Variants in ERBB4 observed in about 807,000 individuals in gnomAD.
ERBB4 encodes receptor tyrosine-protein kinase erbB-4.
ERBB4 carries 42 observed loss-of-function variants against 158.0 expected under a neutral mutation model. The observed-to-expected ratio is 0.27, with a 90% confidence interval of 0.21 to 0.34. The LOEUF is 0.34. Ranked by LOEUF, ERBB4 falls within the 10% of genes least tolerant of loss-of-function variation. ERBB4 has a pLI of 1.00. For missense variants in ERBB4, 1,333 were observed against 1,624.1 expected (o/e 0.82, Z 3.08); for synonymous variants, 583 against 558.7 (o/e 1.04, Z -0.61).
At chr2:212,530,153 A>G (rs897199147) in intron 1 of ERBB4, among the ~76,000 whole-genome samples, 1 of 150,364 alleles carries the variant, frequency 6.7e-6, no homozygotes. Context: ...TGGAAGAAGA[A>G]GAATACCCAT....
intron 2 of ERBB4, among the ~76,000 whole-genome samples, chr2:211,972,059 A>C (rs2081469920): frequency 6.6e-6 from 1 of 152,240 alleles, no homozygotes; most frequent in South Asian, 2.1e-4. Flanking sequence ...AACTTCAGCA[A>C]AGTCTCAGGA....
intron 21 of ERBB4, among the ~76,000 whole-genome samples, chr2:211,430,244 T>C (rs570256809): frequency 1.1e-4 from 17 of 152,274 alleles, no homozygotes; most frequent in Admixed American, 2.0e-4. Context: ...AGATTGCATT[T>C]GCTTATTTCA....
chr2:211,603,318 T>C (rs1450777024), intron 19 of ERBB4, among the ~76,000 whole-genome samples: 1 of 152,106 alleles, frequency 6.6e-6, no homozygotes, highest in Non-Finnish European at 1.5e-5. Context: ...TTCCTGTAAG[T>C]ATCTGACATT....
chr2:212,102,954 C>A (rs1018131101), intron 2 of ERBB4, among the ~76,000 whole-genome samples: 1 of 152,066 alleles, frequency 6.6e-6, no homozygotes. Context: ...AATTAACTAA[C>A]CAGTATTTCT....
intron 3 of ERBB4, among the ~76,000 whole-genome samples, chr2:211,829,458 T>C (rs1001565069): frequency 6.6e-6 from 1 of 152,154 alleles, no homozygotes; most frequent in African/African-American, 2.4e-5. Context: ...TGTGGCTTAT[T>C]CACCCATCAG....
intron 20 of ERBB4, among the ~76,000 whole-genome samples, chr2:211,529,102 A>T (rs1476824637): frequency 6.6e-6 from 1 of 151,696 alleles, no homozygotes; most frequent in Admixed American, 6.6e-5. Context: ...AAAAACCATT[A>T]GCCAGACTAA....
intron 3 of ERBB4, among the ~76,000 whole-genome samples, chr2:211,853,950 AAAC>A (rs1396216850): frequency 6.6e-6 from 1 of 152,078 alleles, no homozygotes; most frequent in African/African-American, 2.4e-5. Context: ...TTCTTTATTC[AAAC>A]AACAGATATT....
chr2:211,971,847 C>T (rs1331938208), intron 2 of ERBB4, among the ~76,000 whole-genome samples: 1 of 152,056 alleles, frequency 6.6e-6, no homozygotes, highest in African/African-American at 2.4e-5. Flanking sequence ...AAGCATTCCC[C>T]TTGAAATTGT....
At chr2:212,174,982 A>G (rs2081617865) in intron 1 of ERBB4, among the ~76,000 whole-genome samples, 1 of 151,932 alleles carries the variant, frequency 6.6e-6, no homozygotes, top group African/African-American at 2.4e-5. Flanking sequence ...CTGGTCTAAC[A>G]TTTCCCAAGG....
chr2:211,777,983 C>T (rs2075928061), intron 4 of ERBB4: 1 of 152,250 alleles, frequency 6.6e-6, no homozygotes, highest in Non-Finnish European at 1.5e-5. Flanking sequence ...CGCAAATAAA[C>T]CACTTTAATT....
At chr2:212,274,891 T>C (rs1454173374) in intron 1 of ERBB4, among the ~76,000 whole-genome samples, 3 of 151,872 alleles carry the variant, frequency 2.0e-5, no homozygotes, top group African/African-American at 7.2e-5. Context: ...TCATCTACAT[T>C]AGGTATTTCT....
intron 9 of ERBB4, among the ~76,000 whole-genome samples, chr2:211,708,012 G>A (rs894778476): frequency 4.6e-5 from 7 of 152,032 alleles, no homozygotes; most frequent in African/African-American, 1.7e-4. Flanking sequence ...GGAAATTGAG[G>A]TAAAACATTT....
At chr2:212,253,270 A>G (rs990127773) in intron 1 of ERBB4, among the ~76,000 whole-genome samples, 4 of 152,120 alleles carry the variant, frequency 2.6e-5, no homozygotes, top group African/African-American at 9.7e-5. Context: ...CAAAGCAATA[A>G]AAGTGAGATG....
chr2:211,508,565 T>C (rs1309700251), intron 20 of ERBB4, among the ~76,000 whole-genome samples: 1 of 152,174 alleles, frequency 6.6e-6, no homozygotes, highest in Non-Finnish European at 1.5e-5. Flanking sequence ...GAAGACAGTG[T>C]GGCGATTCAT....
chr2:211,931,922 G>T (rs2080188566), intron 3 of ERBB4, among the ~76,000 whole-genome samples: 1 of 152,062 alleles, frequency 6.6e-6, no homozygotes, highest in Non-Finnish European at 1.5e-5. Context: ...TAAACACTAT[G>T]CTAGGCAGTT....
chr2:211,956,581 T>C (rs959314858), intron 2 of ERBB4, among the ~76,000 whole-genome samples: 2 of 152,012 alleles, frequency 1.3e-5, no homozygotes, highest in Admixed American at 6.6e-5. Context: ...ACAGGAAAAA[T>C]TCCTGCTAAA....
At chr2:211,518,611 G>A (rs560187000) in intron 20 of ERBB4, among the ~76,000 whole-genome samples, 3 of 151,932 alleles carry the variant, frequency 2.0e-5, no homozygotes, top group East Asian at 1.9e-4. Flanking sequence ...CTGAGATCAC[G>A]CCACTGCCCT....
chr2:211,812,036 CAA>C (rs2076768047), intron 3 of ERBB4, among the ~76,000 whole-genome samples: 1 of 152,196 alleles, frequency 6.6e-6, no homozygotes, highest in Non-Finnish European at 1.5e-5. Flanking sequence ...GTCAGCTCGT[CAA>C]AGTTATTCTC....
chr2:212,058,504 C>T (rs977893109), intron 2 of ERBB4, among the ~76,000 whole-genome samples: 12 of 152,136 alleles, frequency 7.9e-5, no homozygotes, highest in African/African-American at 1.9e-4. Context: ...GAATTTTAGA[C>T]CAATATCCCT....
Sources: allele counts gnomAD v4.1 joint callset (sites outside exome capture counted in the v4.1 genomes callset), GRCh38; gene constraint gnomAD v4.1.1; transcripts MANE v1.5; gene names NCBI Gene and HGNC (gene_info 2026-07-23, HGNC 2026-07-21).